Variants in SULF1 observed in about 807,000 individuals in gnomAD.
The protein encoded by SULF1 is extracellular sulfatase Sulf-1.
SULF1 carries 46 observed loss-of-function variants against 110.5 expected under a neutral mutation model. The observed-to-expected ratio is 0.42, with a 90% CI of 0.33 to 0.53. The LOEUF (loss-of-function observed/expected upper bound fraction) is 0.53. Among genes scored for constraint, SULF1 ranks in the 20% least tolerant of loss-of-function variants. The probability of loss-of-function intolerance (pLI) is 0.12; values close to 1 mark genes in which losing one functional copy is unlikely to be tolerated. For missense variants in SULF1, 941 were observed against 1,094.2 expected, an observed-to-expected ratio of 0.86 and a Z score of 1.98; for synonymous variants, 371 against 387.1, an observed-to-expected ratio of 0.96 and a Z score of 0.49.
rs1006035644 is a variant in SULF1, at chr8:69,653,391, C to G, written c.2586-5114C>G. On this transcript the variant is annotated intron_variant, in intron 22 of 22. Transcript: ENST00000402687. ...GTGTTTTTAATTTTGTGTATTTCAA[C>G]GATTTTTAAAATATTTACCAGTTTA... Among the ~76,000 whole-genome samples the G allele has an allele frequency of 4.6e-5, 7 of 152,096 alleles. No individual in the cohort carries two copies. In the East Asian group the frequency reaches 1.3e-3, roughly 29 times the overall value.
chr8:69,573,055 C>T (rs755479365), intron 5 of SULF1, among the ~76,000 whole-genome samples: 5 of 152,284 alleles, frequency 3.3e-5, no homozygotes, highest in Non-Finnish European at 5.9e-5. Flanking sequence ...TTGAATTCCC[C>T]GCCTCAGGTG....
At chr8:69,602,384 G>T (rs949052689) in intron 10 of SULF1, among the ~76,000 whole-genome samples, 1 of 152,156 alleles carries the variant, frequency 6.6e-6, no homozygotes, top group African/African-American at 2.4e-5. Context: ...TCATAAAATG[G>T]CCTTGTCAAT....
At chr8:69,656,950 G>A (rs1316001801) in intron 22 of SULF1, among the ~76,000 whole-genome samples, 2 of 152,188 alleles carry the variant, frequency 1.3e-5, no homozygotes, top group Admixed American at 6.5e-5. Flanking sequence ...CAGTGTGAAA[G>A]CGTTCCTACT....
intron 5 of SULF1, among the ~76,000 whole-genome samples, chr8:69,568,358 G>T (rs945459259): frequency 5.9e-5 from 9 of 152,188 alleles, no homozygotes; most frequent in African/African-American, 2.2e-4. Context: ...AATCGAGCCA[G>T]GGAGGAAAGT....
At chr8:69,616,285 T>A (rs553200016) in intron 13 of SULF1, among the ~76,000 whole-genome samples, 1 of 151,584 alleles carries the variant, frequency 6.6e-6, no homozygotes, top group South Asian at 2.1e-4. Context: ...AGTGGCTCAA[T>A]CTCGGGTCAC....
intron 15 of SULF1, among the ~76,000 whole-genome samples, chr8:69,626,476 T>C (rs1386790990): frequency 6.6e-6 from 1 of 152,250 alleles, no homozygotes; most frequent in African/African-American, 2.4e-5. Flanking sequence ...TCCCGCGCCA[T>C]GCGCTCGCAC....
rs150729098 is a variant in SULF1, at chr8:69,630,255, G to A, written c.2284+576G>A. On this transcript the variant is annotated intron_variant, in intron 19 of 22. Coordinates refer to ENST00000402687, the MANE Select transcript of SULF1 (RefSeq NM_001128205.2). The stretch of plus-strand genomic sequence containing the variant: ...AACATTTGTGCACTTTTAAAATAGT[G>A]CTTATATTTTCTTTAGTGGCCTGTG... 3.0e-4 allele frequency among the ~76,000 whole-genome samples: 45 copies of A among 152,282 alleles called. 1 individual carries two copies. In the East Asian group the frequency reaches 8.1e-3, roughly 27 times the overall value.
intron 1 of SULF1, among the ~76,000 whole-genome samples, chr8:69,487,193 C>T (rs768164763): frequency 1.2e-4 from 18 of 152,262 alleles, no homozygotes; most frequent in Non-Finnish European, 2.4e-4. Flanking sequence ...AGATTACTTC[C>T]GTTCTAAGTA....
At chr8:69,646,690 C>T (rs183144382) in intron 22 of SULF1, among the ~76,000 whole-genome samples, 7 of 152,252 alleles carry the variant, frequency 4.6e-5, no homozygotes, top group East Asian at 3.9e-4. Context: ...TCAAACCCAG[C>T]GAGTCTGGTT....
In SULF1 at chr8:69,494,355, T is replaced by C. The variant is rs150402046; in HGVS notation, c.-391+1230T>C. Reference sequence around the variant, plus strand: ...ATGATAGTACAACATCCAAAATGGATCAAGTGGAGAAATTTATTTCACATC... The same window carrying C: ...ATGATAGTACAACATCCAAAATGGACCAAGTGGAGAAATTTATTTCACATC... On this transcript the variant is annotated intron_variant, in intron 1 of 22. Transcript: ENST00000402687. Among the ~76,000 whole-genome samples, 358 of 152,350 alleles carry C rather than the reference T, an allele frequency of 2.3e-3. 3 individuals carry two copies. Among genetic ancestry groups the C allele is most frequent in the African/African-American group, 8.0e-3 (331 of 41,578 alleles).
At chr8:69,545,929 A>G (rs1161764214) in intron 3 of SULF1, among the ~76,000 whole-genome samples, 1 of 152,172 alleles carries the variant, frequency 6.6e-6, no homozygotes, top group Non-Finnish European at 1.5e-5. Context: ...TCCTGACCTC[A>G]GGTGATCCGC....
In SULF1 at chr8:69,538,635, A is replaced by G. The variant is rs9643603; in HGVS notation, c.-133-24904A>G. ...GAAAGTAGAAAGTCCTGTCATGTCAAACCTTCCAACACTATAGTCTTTTTT... is the reference window on the plus strand; with the variant it reads ...GAAAGTAGAAAGTCCTGTCATGTCAGACCTTCCAACACTATAGTCTTTTTT... On this transcript the variant is annotated intron_variant, in intron 3 of 22. Coordinates refer to ENST00000402687, the MANE Select transcript of SULF1 (RefSeq NM_001128205.2). Among the ~76,000 whole-genome samples, 138 of 152,322 alleles carry G rather than the reference A, an allele frequency of 9.1e-4. 1 individual carries two copies. In the East Asian group the frequency reaches 0.026, roughly 28 times the overall value.
At chr8:69,543,285 G>A (rs543596215) in intron 3 of SULF1, among the ~76,000 whole-genome samples, 57 of 152,064 alleles carry the variant, frequency 3.7e-4, no homozygotes, top group Non-Finnish European at 6.6e-4. Flanking sequence ...AGGTAAACCT[G>A]TGCCATGGTG....
At chr8:69,487,898 G>T (rs953685013), upstream of SULF1, among the ~76,000 whole-genome samples, 2 of 152,132 alleles carry the variant, frequency 1.3e-5, no homozygotes, top group Non-Finnish European at 2.9e-5. Flanking sequence ...GCATGTCAGT[G>T]AGTAGCCATA....
At chr8:69,531,551 A>T (rs947590407) in intron 3 of SULF1, among the ~76,000 whole-genome samples, 18 of 152,186 alleles carry the variant, frequency 1.2e-4, no homozygotes, top group African/African-American at 4.3e-4. Flanking sequence ...CCCTCCAAAC[A>T]TGTATATATT....
At position 69,628,259 on chromosome 8, in the gene SULF1, C is replaced by T. The variant is rs995725657; in HGVS notation, c.2108+23C>T. 2.5e-6 allele frequency: 4 copies of T among 1,606,650 alleles called. No individual in the cohort carries two copies. The African/African-American group carries it at 5.4e-5, about 21-fold the overall frequency. On this transcript the variant is annotated intron_variant, in intron 18 of 22. Coordinates refer to ENST00000402687, the MANE Select transcript of SULF1 (RefSeq NM_001128205.2). ...CAAGTAAGTAACTCTCTGTTTTCCACATTTGCTGGGAGTCAATGACTGTCC... is the reference window on the plus strand; with the variant it reads ...CAAGTAAGTAACTCTCTGTTTTCCATATTTGCTGGGAGTCAATGACTGTCC...
At chr8:69,493,425 C>CCACA (rs144157646) in intron 1 of SULF1, among the ~76,000 whole-genome samples, 5 of 147,188 alleles carry the variant, frequency 3.4e-5, no homozygotes, top group African/African-American at 1.3e-4. Flanking sequence ...TTGATACACA[C>CCACA]CACACACACA....
intron 19 of SULF1, among the ~76,000 whole-genome samples, chr8:69,630,549 G>A (rs1259079119): frequency 6.6e-6 from 1 of 152,108 alleles, no homozygotes; most frequent in Non-Finnish European, 1.5e-5. Flanking sequence ...CAGGGTCCAT[G>A]TTTGCATTTC....
intron 1 of SULF1, among the ~76,000 whole-genome samples, chr8:69,472,836 T>A (rs1271081277): frequency 6.6e-6 from 1 of 152,192 alleles, no homozygotes; most frequent in African/African-American, 2.4e-5. Context: ...TTTTAAATTT[T>A]AATTTAATTT....
Sources: gnomAD v4.1 joint callset for allele counts (sites outside exome capture counted in the v4.1 genomes callset) on GRCh38, gnomAD v4.1.1 for gene constraint, MANE v1.5 for transcripts, NCBI Gene and HGNC (gene_info 2026-07-23, HGNC 2026-07-21) for gene names.